The following BMPR1B variants were observed in gnomAD, a reference collection of about 807,000 sequenced individuals.
The protein encoded by BMPR1B is bone morphogenetic protein receptor type-1B.
Under a neutral mutation model 59.1 loss-of-function variants are expected in BMPR1B, and 12 were observed. The observed-to-expected ratio is 0.20, with a 90% confidence interval of 0.13 to 0.33. The LOEUF (loss-of-function observed/expected upper bound fraction) is 0.33. BMPR1B is among the 10% of genes least tolerant of loss of function. The probability of loss-of-function intolerance (pLI) is 1.00; values close to 1 mark genes in which losing one functional copy is unlikely to be tolerated. For missense variants in BMPR1B, 550 were observed against 610.9 expected (o/e 0.90, Z 1.05); for synonymous variants, 237 against 207.3 (o/e 1.14, Z -1.23).
chr4:94,821,552 C>T (rs1724209235), intron 1 of BMPR1B, among the ~76,000 whole-genome samples: 1 of 152,010 alleles, frequency 6.6e-6, no homozygotes, highest in Non-Finnish European at 1.5e-5. Context: ...GTTCCTGCCT[C>T]TAAGGATCTT....
At chr4:95,013,000 A>T (rs986622325) in intron 3 of BMPR1B, among the ~76,000 whole-genome samples, 1 of 152,142 alleles carries the variant, frequency 6.6e-6, no homozygotes, top group Non-Finnish European at 1.5e-5. Flanking sequence ...TTAATACTTT[A>T]AAAAATGTTG....
At chr4:94,784,021 A>G (rs1399527630) in intron 1 of BMPR1B, among the ~76,000 whole-genome samples, 3 of 151,998 alleles carry the variant, frequency 2.0e-5, no homozygotes, top group South Asian at 4.1e-4. Flanking sequence ...TAGACTCTCA[A>G]CCTTCTTACC....
intron 8 of BMPR1B, among the ~76,000 whole-genome samples, chr4:95,126,081 C>G (rs1732884700): frequency 6.6e-6 from 1 of 152,200 alleles, no homozygotes; most frequent in African/African-American, 2.4e-5. Flanking sequence ...GACAACTTCT[C>G]AGTTACCCCA....
At chr4:94,886,626 C>T (rs779268534) in intron 2 of BMPR1B, among the ~76,000 whole-genome samples, 3 of 152,198 alleles carry the variant, frequency 2.0e-5, no homozygotes, top group Non-Finnish European at 4.4e-5. Flanking sequence ...CTTCAAATCT[C>T]CTCCCCAATG....
intron 2 of BMPR1B, among the ~76,000 whole-genome samples, chr4:94,876,544 A>C (rs962271907): frequency 2.0e-5 from 3 of 152,200 alleles, no homozygotes; most frequent in Non-Finnish European, 2.9e-5. Context: ...AGTCTGTGAA[A>C]ACTGTTCTGT....
Position 94,911,028 on chromosome 4 carries a change from T to C in BMPR1B, c.-113+35128T>C, listed in dbSNP as rs562540209. On this transcript the variant is annotated intron_variant, in intron 2 of 12. Coordinates refer to ENST00000515059, the MANE Select transcript of BMPR1B (RefSeq NM_001203.3). ...GAACCACATATACTGTACTATGCTT[T>C]CACTTCTTTGACCTATTTTTTTGGA... 2.4e-3 allele frequency among the ~76,000 whole-genome samples: 367 copies of C among 152,332 alleles called. 1 individual carries two copies. Among genetic ancestry groups the C allele is most frequent in the Non-Finnish European group, 3.4e-3 (230 of 68,026 alleles).
chr4:94,803,530 C>T (rs556429313), intron 1 of BMPR1B, among the ~76,000 whole-genome samples: 87 of 152,260 alleles, frequency 5.7e-4, no homozygotes, highest in African/African-American at 2.0e-3. Context: ...CTTTTATTTT[C>T]CTCACAACTA....
At chr4:94,771,755 A>G (rs765800680) in intron 1 of BMPR1B, among the ~76,000 whole-genome samples, 4 of 152,186 alleles carry the variant, frequency 2.6e-5, no homozygotes, top group South Asian at 2.1e-4. Flanking sequence ...TGATCCGTCT[A>G]TTGTCTAACT....
At chr4:95,087,499 G>A (rs1023435134) in intron 3 of BMPR1B, among the ~76,000 whole-genome samples, 8 of 152,080 alleles carry the variant, frequency 5.3e-5, no homozygotes, top group Non-Finnish European at 1.0e-4. Context: ...GGGAGGCCAA[G>A]GCAGGTGAAC....
intron 3 of BMPR1B, among the ~76,000 whole-genome samples, chr4:95,069,832 G>T (rs919071349): frequency 6.6e-6 from 1 of 152,192 alleles, no homozygotes; most frequent in African/African-American, 2.4e-5. Flanking sequence ...AGGCGTGATG[G>T]CTCACGCCTG....
At chr4:94,839,646 A>C (rs1000829485) in intron 1 of BMPR1B, among the ~76,000 whole-genome samples, 34 of 146,730 alleles carry the variant, frequency 2.3e-4, no homozygotes, top group African/African-American at 7.9e-4. Context: ...TTTTGAGCCT[A>C]TGTGTGTCTC....
chr4:94,820,077 C>G (rs1199065904), intron 1 of BMPR1B, among the ~76,000 whole-genome samples: 1 of 152,128 alleles, frequency 6.6e-6, no homozygotes, highest in Non-Finnish European at 1.5e-5. Flanking sequence ...AACTACAAAA[C>G]TAAGATTCTT....
intron 1 of BMPR1B, among the ~76,000 whole-genome samples, chr4:94,861,887 C>T (rs1332902054): frequency 6.6e-6 from 1 of 151,992 alleles, no homozygotes; most frequent in African/African-American, 2.4e-5. Context: ...ATTGTGTATT[C>T]TCTGAACTTT....
At position 94,824,722 on chromosome 4, in the gene BMPR1B, AATTG is replaced by A. The variant is rs1171379310; in HGVS notation, c.-182-51106_-182-51103del. 2.0e-5 allele frequency among the ~76,000 whole-genome samples: 3 copies of A among 152,280 alleles called. No homozygotes were observed. In the South Asian group the frequency reaches 6.2e-4, roughly 32 times the overall value. On this transcript the variant is annotated intron_variant, in intron 1 of 12. Coordinates refer to ENST00000515059, the MANE Select transcript of BMPR1B (RefSeq NM_001203.3). ...GATTCACACAGAAAAATTTCTGTTT[AATTG>A]ATCTTGGGGAAAAATGGGGAAAATT...
chr4:94,763,269 A>G (rs113155402), intron 1 of BMPR1B, among the ~76,000 whole-genome samples: 6 of 152,280 alleles, frequency 3.9e-5, no homozygotes, highest in African/African-American at 1.4e-4. Context: ...CAGCTTTGGA[A>G]ACTTTGGATG....
chr4:95,097,700 G>A (rs1156802167), intron 3 of BMPR1B, among the ~76,000 whole-genome samples: 5 of 152,064 alleles, frequency 3.3e-5, no homozygotes, highest in African/African-American at 4.8e-5. Flanking sequence ...ACCATGCCCA[G>A]CTAATTTTTG....
intron 4 of BMPR1B, among the ~76,000 whole-genome samples, 198 bp from the exon 5 acceptor site, chr4:95,114,522 G>A (rs1030171869): frequency 6.6e-6 from 1 of 152,104 alleles, no homozygotes; most frequent in African/African-American, 2.4e-5. Flanking sequence ...ATTACAAAAT[G>A]TTTTTATGTT....
chr4:94,964,264 A>C (rs1249145731), intron 2 of BMPR1B, among the ~76,000 whole-genome samples: 1 of 152,170 alleles, frequency 6.6e-6, no homozygotes, highest in African/African-American at 2.4e-5. Context: ...TCACCTACAA[A>C]CAAAGATAAT....
chr4:94,765,281 T>C (rs553521252), intron 1 of BMPR1B, among the ~76,000 whole-genome samples: 1 of 152,312 alleles, frequency 6.6e-6, no homozygotes, highest in East Asian at 1.9e-4. Flanking sequence ...TTACTATGTA[T>C]TTTTAAATGA....
Sources: allele counts gnomAD v4.1 joint callset (sites outside exome capture counted in the v4.1 genomes callset), GRCh38; gene constraint gnomAD v4.1.1; transcripts MANE v1.5; gene names NCBI Gene and HGNC (gene_info 2026-07-23, HGNC 2026-07-21).